FRYL: variants seen among roughly 807,000 people sequenced by gnomAD.
FRYL encodes the protein protein furry homolog-like.
A neutral mutation model predicts 351.2 loss-of-function variants in FRYL; 150 were observed. The observed-to-expected ratio is 0.43, with a 90% CI of 0.37 to 0.49. The LOEUF (loss-of-function observed/expected upper bound fraction) is 0.49. Among genes scored for constraint, FRYL ranks in the 20% least tolerant of loss-of-function variants. FRYL has a pLI of 0.00. For missense variants in FRYL, 3,036 were observed against 3,619.3 expected, an observed-to-expected ratio of 0.84 and a Z score of 4.13; for synonymous variants, 1,153 against 1,257.1, an observed-to-expected ratio of 0.92 and a Z score of 1.75.
intron 1 of FRYL, among the ~76,000 whole-genome samples, chr4:48,742,412 A>T (rs545911198): frequency 3.7e-4 from 57 of 152,170 alleles, no homozygotes; most frequent in African/African-American, 1.3e-3. Flanking sequence ...GTCCTTCTCA[A>T]TCTTCATTCC....
At position 48,583,996 on chromosome 4, in the gene FRYL, A is replaced by C. The variant is rs538199101; in HGVS notation, c.1749-1262T>G. ...AACAAATTAGGAGATGCTATATACA[A>C]TCTGCTTTTAAATACATCAAAACAA... On this transcript the variant is annotated intron_variant, in intron 19 of 63. Transcript: ENST00000358350. Among the ~76,000 whole-genome samples, 7 of 152,270 alleles carry C rather than the reference A, an allele frequency of 4.6e-5. 1 individual carries two copies. The highest frequency in any genetic ancestry group is 4.1e-4 in the South Asian group (2 of 4,820).
chr4:48,535,753 A>C lies in FRYL; in HGVS notation c.6468T>G (p.Tyr2156Ter). The C allele has an allele frequency of 6.2e-7, 1 of 1,611,176 alleles. No homozygotes were observed. The highest frequency in any genetic ancestry group is 8.5e-7 in the Non-Finnish European group (1 of 1,178,276). Residue 2156 changes from tyrosine to a stop codon, truncating the protein, a stop_gained, in exon 48 of 64, where the codon TAT becomes TAG. Transcript: ENST00000358350. LOFTEE classifies it high-confidence loss of function. ...TGATCCAGTTAGAACAGTCTCTGGA[A>C]TACGTGTGTGTACTGTACAAACTCA... is the stretch of plus-strand genomic sequence containing the variant. ...HMMSLYSTHT[Y>*]SRDCSNWINV...
In FRYL at chr4:48,632,094, A is replaced by ATATATATATATATATATATATG. The variant is rs1560753371; in HGVS notation, c.120+2196_120+2197insCATATATATATATATATATATA. ...AAAAAAAAAAAAAAAAAAAAAAAAT[A>ATATATATATATATATATATATG]TATATATATATATATATATATATAT... On this transcript the variant is annotated intron_variant, in intron 4 of 63. Transcript: ENST00000358350. Among the ~76,000 whole-genome samples the ATATATATATATATATATATATG allele has an allele frequency of 4.3e-3, 60 of 13,814 alleles. 1 individual carries two copies. Among genetic ancestry groups the ATATATATATATATATATATATG allele is most frequent in the Non-Finnish European group, 9.4e-3 (51 of 5,452 alleles). The allele number at this position is 13,814 out of a possible 152,430, so 9.1% of individuals were successfully genotyped here. A position where few individuals can be genotyped will look rare whatever the true frequency, so the allele number is the denominator to read the frequency against.
chr4:48,613,730 TG>T (rs143539890), intron 7 of FRYL, among the ~76,000 whole-genome samples: 4,372 of 151,862 alleles, frequency 0.029, 208 homozygotes, highest in African/African-American at 0.1. Context: ...CTGAGGCGGG[TG>T]GATCATCTGA....
Position 48,515,219 on chromosome 4 carries a change from G to C in FRYL, c.7746C>G (p.Ser2582=). ...ATTCCTGCTGTTCTTGAATTATATA[G>C]GATCCTTCATCTTCAAAGGTTGTAA... ...EHVTTFEDEG[S]YIIQEQQESL... The change falls in exon 56 of 64, where the codon TCC becomes TCG. Residue 2582 remains serine (S), a synonymous_variant. Transcript: ENST00000358350. 2 of 1,611,648 alleles carry C rather than the reference G, an allele frequency of 1.2e-6. No homozygotes were observed. Among genetic ancestry groups the C allele is most frequent in the Middle Eastern group, 1.7e-4 (1 of 6,056 alleles).
chr4:48,613,428 T>C (rs910563459), intron 7 of FRYL, among the ~76,000 whole-genome samples: 13 of 152,320 alleles, frequency 8.5e-5, no homozygotes, highest in Admixed American at 7.2e-4. Context: ...CTACTATATT[T>C]GCTTCAGTTA....
intron 55 of FRYL, among the ~76,000 whole-genome samples, chr4:48,516,964 T>C (rs955529808): frequency 2.6e-5 from 4 of 152,072 alleles, no homozygotes; most frequent in African/African-American, 4.8e-5. Context: ...GATTAGAAGA[T>C]ATCAAAGGCA....
intron 4 of FRYL, among the ~76,000 whole-genome samples, chr4:48,633,518 G>A (rs892069609): frequency 6.6e-6 from 1 of 152,062 alleles, no homozygotes; most frequent in African/African-American, 2.4e-5. Context: ...TCAAGCTTAA[G>A]GTACGCAAAC....
chr4:48,516,154 TTAGA>T (rs750076386), intron 55 of FRYL, among the ~76,000 whole-genome samples: 2 of 152,168 alleles, frequency 1.3e-5, no homozygotes, highest in Non-Finnish European at 2.9e-5. Flanking sequence ...TTAGGACACT[TTAGA>T]TAATTATACT....
intron 1 of FRYL, among the ~76,000 whole-genome samples, chr4:48,772,355 C>T (rs1374295663): frequency 2.0e-5 from 3 of 152,086 alleles, no homozygotes; most frequent in East Asian, 1.9e-4. Context: ...CACTGCACTC[C>T]AGCCTGGGCA....
intron 1 of FRYL, among the ~76,000 whole-genome samples, chr4:48,773,518 AATGATT>A (rs771849207): frequency 6.6e-6 from 1 of 152,192 alleles, no homozygotes; most frequent in Non-Finnish European, 1.5e-5. Flanking sequence ...AGAGTCATCA[AATGATT>A]ATGTTAGTAT....
Position 48,540,368 on chromosome 4 carries a change from G to T in FRYL, c.6280C>A (p.Pro2094Thr). 1 of 1,613,110 alleles carries T rather than the reference G, an allele frequency of 6.2e-7. No homozygotes were observed. Among genetic ancestry groups the T allele is most frequent in the Non-Finnish European group, 8.5e-7 (1 of 1,179,268 alleles). Residue 2094 changes from proline to threonine, a missense_variant, in exon 46 of 64, where the codon CCT (proline) becomes ACT (threonine). Physicochemically the swap from Pro to Thr is conservative, Grantham distance 38. Coordinates refer to ENST00000358350, the MANE Select transcript of FRYL (RefSeq NM_015030.2). ...TTAACATCACCTGACAATTGGGAAG[G>T]ATCCACCAATGTATGTTTGGAGACA... ...ISVSKHTLVD[P>T]SQLSGFPLNI...
chr4:48,500,092 AGAAT>A lies in FRYL; in HGVS notation c.8717_8720del (p.His2906LeufsTer2). 6.3e-7 allele frequency: 1 copy of A among 1,596,410 alleles called. No homozygotes were observed. Among genetic ancestry groups the A allele is most frequent in the Non-Finnish European group, 8.5e-7 (1 of 1,174,368 alleles). On this transcript the variant is annotated frameshift_variant, in exon 63 of 64. Coordinates refer to ENST00000358350, the MANE Select transcript of FRYL (RefSeq NM_015030.2). LOFTEE classifies it high-confidence loss of function. Reference sequence around the variant, plus strand: ...CTTTATTTTTCAAAGTTTCAATTAAAGAATGAATGGCAGTTTCTATAGTAGTTTG... The same window carrying A: ...CTTTATTTTTCAAAGTTTCAATTAAAGAATGGCAGTTTCTATAGTAGTTTG...
At chr4:48,690,201 G>A (rs1044507686) in intron 2 of FRYL, among the ~76,000 whole-genome samples, 5 of 151,864 alleles carry the variant, frequency 3.3e-5, no homozygotes, top group Non-Finnish European at 5.9e-5. Flanking sequence ...CACCGCGCCC[G>A]GCCAGTAGAT....
At chr4:48,655,388 T>C (rs1758622291) in intron 3 of FRYL, among the ~76,000 whole-genome samples, 1 of 152,034 alleles carries the variant, frequency 6.6e-6, no homozygotes, top group South Asian at 2.1e-4. Flanking sequence ...CCTCATATAA[T>C]GGAAAACATG....
rs774601362 is a variant in FRYL at position 48,602,146 on chromosome 4, A to C, written c.934-25T>G. 8.3e-6 allele frequency: 10 copies of C among 1,198,030 alleles called. No homozygotes were observed. The Admixed American group carries it at 1.8e-4, about 22-fold the overall frequency. 74.2% of individuals were successfully genotyped at this position (1,198,030 alleles called of 1,614,324 possible). On this transcript the variant is annotated intron_variant, in intron 12 of 63. Transcript: ENST00000358350. Reference sequence around the variant, plus strand: ...CCTATAGGAGACGGGGAAAAGACAGAATTAACATTTTTCATCGAAAAGCAC... The same window carrying C: ...CCTATAGGAGACGGGGAAAAGACAGCATTAACATTTTTCATCGAAAAGCAC...
chr4:48,531,372 G>C lies in FRYL; in HGVS notation c.6706-19C>G, dbSNP rs375191597. On this transcript the variant is annotated intron_variant, in intron 49 of 63. Coordinates refer to ENST00000358350, the MANE Select transcript of FRYL (RefSeq NM_015030.2). ...AAGGACTCTGGTTTAAAAAATAATT[G>C]ACACGTAAAAGTTACAAATGCACAT... The C allele has an allele frequency of 1.5e-5, 23 of 1,562,062 alleles. No individual in the cohort carries two copies. In the African/African-American group the frequency reaches 3.1e-4, roughly 21 times the overall value.
intron 20 of FRYL, 93 bp from the exon 21 acceptor site, chr4:48,581,698 T>C (rs945523870): frequency 1.8e-5 from 18 of 1,018,256 alleles, no homozygotes; most frequent in Non-Finnish European, 2.4e-5. Context: ...ATCATAGTGA[T>C]TATGACTACC....
intron 2 of FRYL, among the ~76,000 whole-genome samples, chr4:48,697,242 T>A (rs1766284671): frequency 6.6e-6 from 1 of 152,102 alleles, no homozygotes; most frequent in Admixed American, 6.5e-5. Flanking sequence ...TTTCTTTCCA[T>A]TTTTACCTAA....
Sources: gnomAD v4.1 joint callset for allele counts (sites outside exome capture counted in the v4.1 genomes callset) on GRCh38, gnomAD v4.1.1 for gene constraint, MANE v1.5 for transcripts, NCBI Gene and HGNC (gene_info 2026-07-23, HGNC 2026-07-21) for gene names.